Variants in CLYBL observed in about 807,000 individuals in gnomAD.
CLYBL encodes the protein citramalyl-CoA lyase, mitochondrial.
Under a neutral mutation model 38.9 loss-of-function variants are expected in CLYBL, and 31 were observed. That is an observed-to-expected ratio of 0.80 (90% CI 0.60 to 1.08). The LOEUF is 1.08. Ranked by LOEUF, CLYBL falls within the 50% of genes least tolerant of loss-of-function variation. The pLI, the probability that CLYBL is intolerant of heterozygous loss-of-function variation, is 0.00. For missense variants in CLYBL, 434 were observed against 411.6 expected (o/e 1.05, Z -0.47); for synonymous variants, 171 against 158.6 (o/e 1.08, Z -0.59).
chr13:99,712,310 C>T (rs1158015930), intron 1 of CLYBL, among the ~76,000 whole-genome samples: 1 of 151,594 alleles, frequency 6.6e-6, no homozygotes, highest in African/African-American at 2.4e-5. Context: ...AACTTTTTGT[C>T]CCCTTGGAGT....
intron 1 of CLYBL, among the ~76,000 whole-genome samples, chr13:99,633,210 CA>C (rs59801603): frequency 0.064 from 3,990 of 62,510 alleles, 36 homozygotes; most frequent in African/African-American, 0.13. Flanking sequence ...GATCCTGTCT[CA>C]AAAAAAAAAA....
chr13:99,784,651 A>G (rs997828574), intron 2 of CLYBL, among the ~76,000 whole-genome samples: 1 of 151,568 alleles, frequency 6.6e-6, no homozygotes, highest in South Asian at 2.1e-4. Context: ...GACAGGTTTC[A>G]CCATGTTGGC....
intron 2 of CLYBL, among the ~76,000 whole-genome samples, chr13:99,794,149 C>A (rs1035850734): frequency 6.6e-6 from 1 of 152,138 alleles, no homozygotes; most frequent in African/African-American, 2.4e-5. Flanking sequence ...GGCCAGGCGC[C>A]GTGGCTCATG....
chr13:99,884,360 C>T (rs974749751), intron 7 of CLYBL, among the ~76,000 whole-genome samples: 2 of 152,170 alleles, frequency 1.3e-5, no homozygotes, highest in Non-Finnish European at 2.9e-5. Flanking sequence ...ACCCAGCTCA[C>T]GCCCCAGAGA....
chr13:99,758,047 C>T (rs1008997380), intron 1 of CLYBL, among the ~76,000 whole-genome samples: 9 of 152,178 alleles, frequency 5.9e-5, no homozygotes, highest in Non-Finnish European at 1.2e-4. Flanking sequence ...ATGGTGCTGA[C>T]CTGCAGCAAC....
chr13:99,764,289 G>GT (rs2049225275), intron 1 of CLYBL, among the ~76,000 whole-genome samples: 1 of 151,772 alleles, frequency 6.6e-6, no homozygotes, highest in Admixed American at 6.6e-5. Flanking sequence ...TGGCTCTTCA[G>GT]TTTTTTTGAA....
rs775875542 is a variant in CLYBL, at chr13:99,792,150, A to G, written c.249+19140A>G. On this transcript the variant is annotated intron_variant, in intron 2 of 8. Coordinates refer to ENST00000339105, the MANE Select transcript of CLYBL (RefSeq NM_206808.5). ...GCTAAACAATAGATTTTTACTTTGC[A>G]TTATTGTGCCAGATACTTGAGCAGT... Among the ~76,000 whole-genome samples, 16 of 152,144 alleles carry G rather than the reference A, an allele frequency of 1.1e-4. 1 individual carries two copies. Among genetic ancestry groups the G allele is most frequent in the Non-Finnish European group, 4.4e-5 (3 of 68,036 alleles).
chr13:99,854,781 C>T (rs1333626491), intron 2 of CLYBL, among the ~76,000 whole-genome samples: 6 of 152,148 alleles, frequency 3.9e-5, no homozygotes, highest in African/African-American at 7.2e-5. Context: ...CGCTTTCTTA[C>T]GTCACCAGAG....
At chr13:99,876,420 C>CAA (rs35512772) in intron 7 of CLYBL, among the ~76,000 whole-genome samples, 822 of 69,426 alleles carry the variant, frequency 0.012, 19 homozygotes, top group Admixed American at 0.032. Context: ...GACTCCGTCT[C>CAA]AAAAAAAAAA....
intron 1 of CLYBL, among the ~76,000 whole-genome samples, chr13:99,651,701 G>T (rs541380902): frequency 1.1e-4 from 17 of 152,280 alleles, no homozygotes; most frequent in Admixed American, 5.9e-4. Context: ...GGAGGGAGAG[G>T]TGGGTGGATC....
rs56097059 is a variant in CLYBL, at chr13:99,612,386, C to CTTTTTT, written c.62+5643_62+5648dup. ...AGATAATTAATTTTAGACCTTTCTACTTTTTTTTTTTTTTTTTTTGAGACA... is the reference window on the plus strand; with the variant it reads ...AGATAATTAATTTTAGACCTTTCTACTTTTTTTTTTTTTTTTTTTTTTTTTGAGACA... On this transcript the variant is annotated intron_variant, in intron 1 of 8. Transcript: ENST00000339105. Among the ~76,000 whole-genome samples, 93 of 112,332 alleles carry CTTTTTT rather than the reference C, an allele frequency of 8.3e-4. 1 individual carries two copies. Among genetic ancestry groups the CTTTTTT allele is most frequent in the East Asian group, 3.6e-3 (13 of 3,604 alleles). The allele number at this position is 112,332 out of a possible 152,430, so 73.7% of individuals were successfully genotyped here.
chr13:99,631,918 A>G (rs2046952100), intron 1 of CLYBL, among the ~76,000 whole-genome samples: 1 of 152,182 alleles, frequency 6.6e-6, no homozygotes, highest in African/African-American at 2.4e-5. Context: ...AAGTATTTTT[A>G]AAAACTATTG....
At chr13:99,909,199 T>C (rs977610) in exon 10 of CLYBL, among the ~76,000 whole-genome samples, 1 of 152,162 alleles carries the variant, frequency 6.6e-6, no homozygotes, top group East Asian at 1.9e-4. Flanking sequence ...GAGGCTGCAC[T>C]GTGTCATTTA....
intron 1 of CLYBL, among the ~76,000 whole-genome samples, chr13:99,745,970 G>A (rs537755318): frequency 7.3e-5 from 11 of 151,336 alleles, no homozygotes; most frequent in African/African-American, 2.4e-4. Context: ...GAATTTTTGA[G>A]AGAATCTAGG....
At chr13:99,768,192 C>CTTTTTTT (rs58499426) in intron 1 of CLYBL, among the ~76,000 whole-genome samples, 1,449 of 102,428 alleles carry the variant, frequency 0.014, 3 homozygotes, top group Non-Finnish European at 0.021. Context: ...TTTTCTTTTT[C>CTTTTTTT]TTTTTTTTTT....
intron 7 of CLYBL, among the ~76,000 whole-genome samples, chr13:99,883,207 G>GA (rs2052259765): frequency 6.6e-6 from 1 of 152,140 alleles, no homozygotes; most frequent in African/African-American, 2.4e-5. Context: ...TTTGTCATAA[G>GA]AAAAGTCAAG....
intron 2 of CLYBL, among the ~76,000 whole-genome samples, chr13:99,792,043 G>A (rs1237271582): frequency 2.0e-5 from 3 of 152,130 alleles, no homozygotes; most frequent in African/African-American, 7.2e-5. Flanking sequence ...TGAGGGGGCT[G>A]GAAACAGCCA....
intron 1 of CLYBL, among the ~76,000 whole-genome samples, chr13:99,616,941 G>A (rs1481819501): frequency 6.6e-6 from 1 of 151,878 alleles, no homozygotes; most frequent in Admixed American, 6.6e-5. Flanking sequence ...GGGTGACAGA[G>A]CGCGACTCCG....
At chr13:99,891,534 T>G in intron 8 of CLYBL, 97 bp downstream of exon 8, 2 of 640,610 alleles carry the variant, frequency 3.1e-6, no homozygotes, top group South Asian at 4.0e-5. Flanking sequence ...CCATTTACAG[T>G]TCATGTTAAT....
Sources: gnomAD v4.1 joint callset for allele counts (sites outside exome capture counted in the v4.1 genomes callset) on GRCh38, gnomAD v4.1.1 for gene constraint, MANE v1.5 for transcripts, NCBI Gene and HGNC (gene_info 2026-07-23, HGNC 2026-07-21) for gene names.